DPF3: variants seen among roughly 807,000 people sequenced by gnomAD.
DPF3 encodes the protein zinc finger protein DPF3.
In DPF3, 18 loss-of-function variants were observed where a neutral mutation model predicts 56.8. That is an observed-to-expected ratio of 0.32 (90% CI 0.22 to 0.47). The LOEUF is 0.47. DPF3 is among the 20% of genes least tolerant of loss of function. DPF3 has a pLI of 1.00. For synonymous variants in DPF3, 188 were observed against 180.2 expected, an observed-to-expected ratio of 1.04 and a Z score of -0.35; for missense variants, 403 against 488.8, an observed-to-expected ratio of 0.82 and a Z score of 1.65.
At chr14:72,893,733 C>G (rs997340705) in intron 1 of DPF3, among the ~76,000 whole-genome samples, 2 of 124,396 alleles carry the variant, frequency 1.6e-5, no homozygotes, top group Non-Finnish European at 3.7e-5. Context: ...GGGACCGCGC[C>G]GTCCCCGAGC....
intron 3 of DPF3, among the ~76,000 whole-genome samples, chr14:72,734,193 A>T (rs972161003): frequency 1.9e-4 from 29 of 152,258 alleles, no homozygotes; most frequent in African/African-American, 6.5e-4. Context: ...TGCAAAATAC[A>T]AAATCAAAAT....
At chr14:72,693,311 C>T (rs1887778420) in intron 6 of DPF3, 98 bp from the exon 7 acceptor site, 2 of 1,384,858 alleles carry the variant, frequency 1.4e-6, no homozygotes, top group Non-Finnish European at 2.0e-6. Context: ...ATCCATCCAC[C>T]CCAGAGCCAG....
intron 7 of DPF3, among the ~76,000 whole-genome samples, chr14:72,677,535 T>G (rs1471437697): frequency 6.6e-6 from 1 of 152,184 alleles, no homozygotes; most frequent in Non-Finnish European, 1.5e-5. Context: ...CGTTTCACAT[T>G]ATCATCTCTC....
chr14:72,847,301 G>A (rs988760401), intron 1 of DPF3, among the ~76,000 whole-genome samples: 15 of 152,182 alleles, frequency 9.9e-5, no homozygotes, highest in South Asian at 4.1e-4. Flanking sequence ...AAGTGATGGC[G>A]CTGGGATTTT....
intron 1 of DPF3, among the ~76,000 whole-genome samples, chr14:72,884,681 C>T (rs1886445956): frequency 6.6e-6 from 1 of 151,704 alleles, no homozygotes; most frequent in East Asian, 2.0e-4. Flanking sequence ...TCAGACATCA[C>T]ATCTCCATCC....
At position 72,711,168 on chromosome 14, in the gene DPF3, G is replaced by A. The variant is rs751423393; in HGVS notation, c.604+3255C>T. On this transcript the variant is annotated intron_variant, in intron 6 of 10. Coordinates refer to ENST00000556509, the MANE Select transcript of DPF3 (RefSeq NM_001280542.3). ...ACCCAGAAAGGGGTTGGGGTCCAAG[G>A]TGATCTAATATTTTCATAAATAACT... Among the ~76,000 whole-genome samples, 97 of 152,182 alleles carry A rather than the reference G, an allele frequency of 6.4e-4. 1 individual carries two copies. The highest frequency in any genetic ancestry group is 2.9e-4 in the Non-Finnish European group (20 of 68,034).
At chr14:72,731,644 C>T (rs1052972392) in intron 4 of DPF3, 163 bp downstream of exon 4, 8 of 942,092 alleles carry the variant, frequency 8.5e-6, no homozygotes, top group Middle Eastern at 2.7e-4. Context: ...TAGGTTAAGT[C>T]AGAAAAGAAT....
chr14:72,837,240 C>G (rs549443492), intron 1 of DPF3, among the ~76,000 whole-genome samples: 20 of 152,304 alleles, frequency 1.3e-4, no homozygotes, highest in African/African-American at 4.8e-4. Context: ...TGATCCCACA[C>G]TTTGTCATGC....
At chr14:72,878,131 C>T (rs998733709) in intron 1 of DPF3, among the ~76,000 whole-genome samples, 1 of 152,220 alleles carries the variant, frequency 6.6e-6, no homozygotes, top group Non-Finnish European at 1.5e-5. Flanking sequence ...AGGATCTGAA[C>T]TGAAACTTGA....
intron 8 of DPF3, among the ~76,000 whole-genome samples, chr14:72,631,544 A>G (rs1340908941): frequency 2.0e-5 from 3 of 152,192 alleles, no homozygotes; most frequent in African/African-American, 7.2e-5. Context: ...TGAGAGCATG[A>G]ACATGAGGTC....
chr14:72,693,150 G>T lies in DPF3; in HGVS notation c.668C>A (p.Ala223Asp). The change falls in exon 7 of 11, where the codon GCC becomes GAC. Residue 223 changes from alanine (A) to aspartate (D), a missense_variant. Physicochemically the swap from Ala to Asp is moderately radical, Grantham distance 126 (BLOSUM62 -2). Transcript: ENST00000556509. ...TTGAGCTTCATCCCCCTCCTCGCTG[G>T]CCAGGTGAGTGTGAGCATAGTGGTA... ...LSYHYAHTHL[A>D]SEEGDEAQDQ... 1 of 1,613,978 alleles carries T rather than the reference G, an allele frequency of 6.2e-7. No homozygotes were observed. The highest frequency in any genetic ancestry group is 1.7e-5 in the Admixed American group (1 of 60,022).
chr14:72,718,007 A>G (rs1212089637), intron 5 of DPF3, among the ~76,000 whole-genome samples: 2 of 152,068 alleles, frequency 1.3e-5, no homozygotes, highest in Non-Finnish European at 2.9e-5. Context: ...ATCAGATCCT[A>G]CCTCCAAGGG....
chr14:72,672,064 C>G (rs1025280101), intron 8 of DPF3, among the ~76,000 whole-genome samples: 17 of 129,290 alleles, frequency 1.3e-4, no homozygotes, highest in South Asian at 7.5e-4. Flanking sequence ...CACACAGACA[C>G]ACACACACAC....
chr14:72,623,376 T>C (rs1487062397), intron 9 of DPF3, among the ~76,000 whole-genome samples: 1 of 152,220 alleles, frequency 6.6e-6, no homozygotes, highest in Non-Finnish European at 1.5e-5. Flanking sequence ...ATTGGTAGCA[T>C]AACCACACAG....
At chr14:72,673,932 T>G (rs1886799564) in intron 8 of DPF3, 1 of 309,192 alleles carries the variant, frequency 3.2e-6, no homozygotes, top group African/African-American at 2.1e-5. Flanking sequence ...TTGCCTTCTC[T>G]CCAGGTTTTT....
chr14:72,714,276 C>A, intron 6 of DPF3, 147 bp downstream of exon 6: 3 of 1,002,212 alleles, frequency 3.0e-6, no homozygotes, highest in Admixed American at 2.5e-5. Flanking sequence ...GCGGTGGAGG[C>A]GGCAGGCGAG....
At chr14:72,630,593 G>A (rs1885112899) in intron 8 of DPF3, among the ~76,000 whole-genome samples, 1 of 152,186 alleles carries the variant, frequency 6.6e-6, no homozygotes. Context: ...TGCTTGCAGG[G>A]AGAGGACGGC....
At chr14:72,880,384 G>A (rs568314993) in intron 1 of DPF3, among the ~76,000 whole-genome samples, 167 of 152,310 alleles carry the variant, frequency 1.1e-3, no homozygotes, top group Non-Finnish European at 1.9e-3. Context: ...GCCTAGCAAC[G>A]AGTAACCCTG....
At position 72,783,591 on chromosome 14, in the gene DPF3, G is replaced by A. The variant is rs114427926; in HGVS notation, c.33-11698C>T. Among the ~76,000 whole-genome samples, 667 of 152,310 alleles carry A rather than the reference G, an allele frequency of 4.4e-3. 8 individuals carry two copies. Among genetic ancestry groups the A allele is most frequent in the African/African-American group, 0.016 (645 of 41,564 alleles). On this transcript the variant is annotated intron_variant, in intron 1 of 10. Transcript: ENST00000556509. The stretch of plus-strand genomic sequence containing the variant: ...CAGCAGGTCAGTGGCACAGTCCACA[G>A]TCCACACTCAAATCTTGATCATGGC...
Sources: allele counts gnomAD v4.1 joint callset (sites outside exome capture counted in the v4.1 genomes callset), GRCh38; gene constraint gnomAD v4.1.1; transcripts MANE v1.5; gene names NCBI Gene and HGNC (gene_info 2026-07-23, HGNC 2026-07-21).